CAMTA1: variants seen among roughly 807,000 people sequenced by gnomAD.
The protein encoded by CAMTA1 is calmodulin binding transcription activator 1, also known as calmodulin-binding transcription activator 1.
In CAMTA1, 27 loss-of-function variants were observed where a neutral mutation model predicts 170.9. The observed-to-expected ratio is 0.16, with a 90% confidence interval of 0.12 to 0.22. The LOEUF (loss-of-function observed/expected upper bound fraction) is 0.22. Ranked by LOEUF, CAMTA1 falls within the 10% of genes least tolerant of loss-of-function variation. The probability of loss-of-function intolerance (pLI) is 1.00; values close to 1 mark genes in which losing one functional copy is unlikely to be tolerated. For missense variants in CAMTA1, 1,619 were observed against 2,217.2 expected (o/e 0.73, Z 5.42); for synonymous variants, 833 against 891.5 (o/e 0.93, Z 1.17).
At chr1:7,108,526 A>G (rs923781213) in intron 4 of CAMTA1, among the ~76,000 whole-genome samples, 6 of 152,142 alleles carry the variant, frequency 3.9e-5, no homozygotes, top group Non-Finnish European at 8.8e-5. Flanking sequence ...ATCCTCGACT[A>G]CCAGAAACGA....
At chr1:7,354,724 ATC>A (rs1399638103) in intron 5 of CAMTA1, among the ~76,000 whole-genome samples, 1 of 152,192 alleles carries the variant, frequency 6.6e-6, no homozygotes, top group Admixed American at 6.5e-5. Context: ...CCTCACCAGC[ATC>A]TGTTATGTTT....
chr1:7,419,898 T>G (rs1399350123), intron 5 of CAMTA1, among the ~76,000 whole-genome samples: 1 of 151,996 alleles, frequency 6.6e-6, no homozygotes, highest in Non-Finnish European at 1.5e-5. Context: ...TGCTTTCTGC[T>G]TCTCACCACC....
intron 6 of CAMTA1, among the ~76,000 whole-genome samples, chr1:7,636,861 G>A (rs1160580509): frequency 6.6e-6 from 1 of 152,220 alleles, no homozygotes; most frequent in Non-Finnish European, 1.5e-5. Flanking sequence ...ACCGGTGATT[G>A]TTGGACTGTC....
At chr1:6,866,715 T>G (rs1461882545) in intron 3 of CAMTA1, among the ~76,000 whole-genome samples, 3 of 152,222 alleles carry the variant, frequency 2.0e-5, no homozygotes, top group Non-Finnish European at 4.4e-5. Context: ...TGATTTCAGA[T>G]AGTCTCTTTT....
intron 6 of CAMTA1, among the ~76,000 whole-genome samples, chr1:7,501,618 G>GT (rs56182115): frequency 1.8e-3 from 264 of 149,618 alleles, no homozygotes; most frequent in African/African-American, 5.3e-3. Context: ...ATAAACAACA[G>GT]TTTTTTTTTT....
Position 7,680,861 on chromosome 1 carries a change from C to CGCGCGCCAG in CAMTA1, c.2914+3128_2914+3129insGCGCGCCAG, listed in dbSNP as rs1553247057. Reference sequence around the variant, plus strand: ...GAGAACACGCGCGCGCGCGCGCGCGCCAGCAGCAGCAGCAGCAGCAGCTGC... The same window carrying CGCGCGCCAG: ...GAGAACACGCGCGCGCGCGCGCGCGCGCGCGCCAGCAGCAGCAGCAGCAGCAGCAGCTGC... On this transcript the variant is annotated intron_variant, in intron 11 of 22. Transcript: ENST00000303635. This position sits in a 1 kb window ranked among gnomAD's most constrained non-coding sequence, Gnocchi z 4.4. Among the ~76,000 whole-genome samples the CGCGCGCCAG allele has an allele frequency of 1.0e-3, 136 of 136,554 alleles. No homozygotes were observed. Among genetic ancestry groups the CGCGCGCCAG allele is most frequent in the African/African-American group, 3.4e-3 (127 of 37,684 alleles). The allele number at this position is 136,554 out of a possible 152,430, so 89.6% of individuals were successfully genotyped here. A position where few individuals can be genotyped will look rare whatever the true frequency, so the allele number is the denominator to read the frequency against.
At chr1:6,979,771 G>A (rs77493557) in intron 3 of CAMTA1, among the ~76,000 whole-genome samples, 2,714 of 151,566 alleles carry the variant, frequency 0.018, 39 homozygotes, top group African/African-American at 0.035. Context: ...CAGTGCTTGG[G>A]ACACTGTCGC....
At position 7,163,297 on chromosome 1, in the gene CAMTA1, G is replaced by T. The variant is rs374624340; in HGVS notation, c.302+71926G>T. On this transcript the variant is annotated intron_variant, in intron 4 of 22. Coordinates refer to ENST00000303635, the MANE Select transcript of CAMTA1 (RefSeq NM_015215.4). ...GAGGTGTGGGTGGCCAGGCTGGGGT[G>T]GGGGGAAAGGTCACTGGATGGGGGG... is the stretch of plus-strand genomic sequence containing the variant. Among the ~76,000 whole-genome samples the T allele has an allele frequency of 7.0e-5, 9 of 129,050 alleles. No homozygotes were observed. In the East Asian group the frequency reaches 1.8e-3, roughly 25 times the overall value. The allele number at this position is 129,050 out of a possible 152,430, so 84.7% of individuals were successfully genotyped here. A position where few individuals can be genotyped will look rare whatever the true frequency, so the allele number is the denominator to read the frequency against.
chr1:7,001,759 T>G (rs557516990), intron 3 of CAMTA1, among the ~76,000 whole-genome samples: 73 of 152,372 alleles, frequency 4.8e-4, no homozygotes, highest in African/African-American at 1.8e-3. Flanking sequence ...CCAACGTGGC[T>G]TCTGATCAGA....
chr1:7,340,917 C>G (rs976174616), intron 5 of CAMTA1, among the ~76,000 whole-genome samples: 6 of 152,158 alleles, frequency 3.9e-5, no homozygotes, highest in Admixed American at 3.9e-4. Context: ...GTCCACAAAC[C>G]AAAGGAGTGA....
intron 3 of CAMTA1, among the ~76,000 whole-genome samples, chr1:6,831,291 A>C (rs1415523715): frequency 1.3e-5 from 2 of 151,918 alleles, no homozygotes; most frequent in Non-Finnish European, 2.9e-5. Context: ...TAAAGAACCT[A>C]CTCTTGTTTC....
intron 4 of CAMTA1, among the ~76,000 whole-genome samples, chr1:7,230,969 C>A (rs988292810): frequency 2.0e-5 from 3 of 152,022 alleles, no homozygotes; most frequent in Non-Finnish European, 4.4e-5. Context: ...TACAGAGGGA[C>A]CCCCCAGGAG....
At chr1:7,625,987 A>G (rs2095630834) in intron 6 of CAMTA1, among the ~76,000 whole-genome samples, 1 of 152,130 alleles carries the variant, frequency 6.6e-6, no homozygotes, top group Non-Finnish European at 1.5e-5. Flanking sequence ...CAAAAAGAAA[A>G]ACTGTATTTT....
chr1:7,557,079 G>A (rs535725861), intron 6 of CAMTA1, among the ~76,000 whole-genome samples: 10 of 152,146 alleles, frequency 6.6e-5, no homozygotes, highest in African/African-American at 1.2e-4. Flanking sequence ...AGACCGAGGC[G>A]GGAGGATTGC....
intron 1 of CAMTA1, among the ~76,000 whole-genome samples, chr1:6,792,760 A>G (rs554760023): frequency 6.6e-6 from 1 of 152,034 alleles, no homozygotes; most frequent in Admixed American, 6.6e-5. Context: ...TTGTTTTTCA[A>G]ATTTAGCCAG....
chr1:7,220,656 G>C (rs554823428), intron 4 of CAMTA1, among the ~76,000 whole-genome samples: 53 of 152,328 alleles, frequency 3.5e-4, no homozygotes, highest in Middle Eastern at 6.8e-3. Context: ...GGAGGGTTAA[G>C]GCCTCAGATA....
At chr1:7,162,943 GT>G (rs1558189356) in intron 4 of CAMTA1, among the ~76,000 whole-genome samples, 2 of 152,222 alleles carry the variant, frequency 1.3e-5, no homozygotes, top group East Asian at 3.9e-4. Flanking sequence ...AGTTTTGAAC[GT>G]TTTGGCAGTT....
At chr1:7,317,362 G>A (rs2149661688) in intron 5 of CAMTA1, among the ~76,000 whole-genome samples, 1 of 152,328 alleles carries the variant, frequency 6.6e-6, no homozygotes, top group Non-Finnish European at 1.5e-5. Context: ...ATCCACCTGT[G>A]TGACACTGAA....
At chr1:7,440,034 G>A (rs1186692893) in intron 5 of CAMTA1, among the ~76,000 whole-genome samples, 2 of 152,276 alleles carry the variant, frequency 1.3e-5, no homozygotes, top group African/African-American at 4.8e-5. Flanking sequence ...CTGGAACGCA[G>A]GCAGCACTGG....
Sources: allele counts gnomAD v4.1 joint callset (sites outside exome capture counted in the v4.1 genomes callset), GRCh38; gene constraint gnomAD v4.1.1; non-coding constraint Gnocchi (gnomAD v3.1); transcripts MANE v1.5; gene names NCBI Gene and HGNC (gene_info 2026-07-23, HGNC 2026-07-21).